Variants in ANKRD55 observed in about 807,000 individuals in gnomAD.
The protein encoded by ANKRD55 is ankyrin repeat domain 55.
In ANKRD55, 41 loss-of-function variants were observed where a neutral mutation model predicts 60.6. The observed-to-expected ratio is 0.68, with a 90% CI of 0.53 to 0.88. The LOEUF is 0.88. ANKRD55 is among the 40% of genes least tolerant of loss of function. The probability of loss-of-function intolerance (pLI) is 0.00; values close to 1 mark genes in which losing one functional copy is unlikely to be tolerated. For missense variants in ANKRD55, 732 were observed against 767.6 expected (o/e 0.95, Z 0.55); for synonymous variants, 264 against 290.3 (o/e 0.91, Z 0.92).
chr5:56,184,542 T>C (rs888084366), intron 2 of ANKRD55, among the ~76,000 whole-genome samples: 2 of 152,164 alleles, frequency 1.3e-5, no homozygotes, highest in African/African-American at 4.8e-5. Flanking sequence ...GCAACTCCTT[T>C]GAATTTGGTA....
chr5:56,127,569 T>G (rs1254114025), intron 7 of ANKRD55: 2 of 984,918 alleles, frequency 2.0e-6, no homozygotes, highest in African/African-American at 3.5e-5. Context: ...GGCGCAGTGA[T>G]GCACTTAAAA....
At chr5:56,228,817 G>A (rs191388014) in intron 2 of ANKRD55, among the ~76,000 whole-genome samples, 2 of 152,266 alleles carry the variant, frequency 1.3e-5, no homozygotes, top group Admixed American at 6.5e-5. Flanking sequence ...GTGATAATTG[G>A]TTACAGCAGC....
chr5:56,153,306 G>A (rs1313118839), intron 6 of ANKRD55, among the ~76,000 whole-genome samples: 1 of 152,028 alleles, frequency 6.6e-6, no homozygotes, highest in African/African-American at 2.4e-5. Flanking sequence ...CAGCTATTTT[G>A]GGGGAATAAT....
At chr5:56,219,218 A>G (rs989634142) in intron 2 of ANKRD55, among the ~76,000 whole-genome samples, 1 of 148,370 alleles carries the variant, frequency 6.7e-6, no homozygotes, top group Non-Finnish European at 1.5e-5. Context: ...GGTTGCAGTG[A>G]GCAGAGATCG....
At chr5:56,158,176 GTC>G (rs774721078) in intron 6 of ANKRD55, among the ~76,000 whole-genome samples, 1 of 146,214 alleles carries the variant, frequency 6.8e-6, no homozygotes. Context: ...GTAAGAATCT[GTC>G]TATTTAAAAA....
intron 10 of ANKRD55, among the ~76,000 whole-genome samples, chr5:56,110,105 T>C (rs1384353625): frequency 7.9e-5 from 12 of 151,002 alleles, no homozygotes; most frequent in Admixed American, 4.6e-4. Context: ...TCTGTCTATA[T>C]AAATTCTTAG....
At chr5:56,120,941 A>G (rs546628936) in intron 8 of ANKRD55, among the ~76,000 whole-genome samples, 1 of 151,798 alleles carries the variant, frequency 6.6e-6, no homozygotes, top group Non-Finnish European at 1.5e-5. Flanking sequence ...AAGAGCATAA[A>G]GGACCACTGG....
intron 8 of ANKRD55, among the ~76,000 whole-genome samples, chr5:56,120,135 C>T (rs1756996165): frequency 6.6e-6 from 1 of 151,598 alleles, no homozygotes; most frequent in Admixed American, 6.6e-5. Flanking sequence ...CTCCCTGGTT[C>T]AAGCTATTCT....
At chr5:56,138,371 C>T (rs1213445263) in intron 7 of ANKRD55, among the ~76,000 whole-genome samples, 8 of 152,090 alleles carry the variant, frequency 5.3e-5, no homozygotes, top group African/African-American at 1.9e-4. Flanking sequence ...CATGATCCGC[C>T]CGCCTTGGCC....
At chr5:56,207,098 C>A (rs554780396) in intron 2 of ANKRD55, among the ~76,000 whole-genome samples, 1 of 152,304 alleles carries the variant, frequency 6.6e-6, no homozygotes, top group Admixed American at 6.5e-5. Flanking sequence ...CCCTTCTATC[C>A]TCTCCTCCCC....
chr5:56,196,463 A>T (rs1157807386), intron 2 of ANKRD55, among the ~76,000 whole-genome samples: 6 of 152,182 alleles, frequency 3.9e-5, no homozygotes, highest in African/African-American at 1.2e-4. Flanking sequence ...TCTGTGTATA[A>T]TAGTGTTAAT....
intron 2 of ANKRD55, among the ~76,000 whole-genome samples, chr5:56,227,287 T>G (rs1760140570): frequency 7.2e-6 from 1 of 139,494 alleles, no homozygotes. Context: ...GAACTGAACA[T>G]TGAGAACACT....
intron 6 of ANKRD55, among the ~76,000 whole-genome samples, chr5:56,154,057 A>C (rs946210960): frequency 6.6e-5 from 10 of 150,464 alleles, no homozygotes; most frequent in African/African-American, 2.0e-4. Flanking sequence ...TAAAAATACA[A>C]AAAAAATTAG....
At chr5:56,219,280 A>G (rs1234029088) in intron 2 of ANKRD55, among the ~76,000 whole-genome samples, 1 of 151,322 alleles carries the variant, frequency 6.6e-6, no homozygotes, top group Non-Finnish European at 1.5e-5. Context: ...CTCCAAAAAA[A>G]AAAAAAAAAA....
intron 2 of ANKRD55, among the ~76,000 whole-genome samples, chr5:56,199,015 G>A (rs1368568617): frequency 6.6e-6 from 1 of 152,098 alleles, no homozygotes; most frequent in Non-Finnish European, 1.5e-5. Flanking sequence ...GGGTGGCAGA[G>A]CTTGCAGTGA....
rs1561277698 is a variant in ANKRD55, at chr5:56,166,115, T to TTTCTTTC, written c.422+4572_422+4578dup. On this transcript the variant is annotated intron_variant, in intron 5 of 11. Transcript: ENST00000341048. ...CTTTCTTTCTTTCTTTCTTTCTTTCTTTCTTTCTTTCTTTCTTTCTTTCTT... is the reference window on the plus strand; with the variant it reads ...CTTTCTTTCTTTCTTTCTTTCTTTCTTTCTTTCTTCTTTCTTTCTTTCTTTCTTTCTT... 2.2e-4 allele frequency among the ~76,000 whole-genome samples: 13 copies of TTTCTTTC among 57,924 alleles called. 1 individual carries two copies. The highest frequency in any genetic ancestry group is 2.0e-4 in the Admixed American group (1 of 5,092). 38.0% of individuals were successfully genotyped at this position (57,924 alleles called of 152,430 possible). A position where few individuals can be genotyped will look rare whatever the true frequency, so the allele number is the denominator to read the frequency against.
At chr5:56,139,158 T>C (rs905580897) in intron 7 of ANKRD55, among the ~76,000 whole-genome samples, 1 of 152,196 alleles carries the variant, frequency 6.6e-6, no homozygotes, top group Admixed American at 6.5e-5. Flanking sequence ...TACTTAAAAC[T>C]GCTCTAGAAA....
chr5:56,162,746 T>C (rs1439550332), intron 5 of ANKRD55, among the ~76,000 whole-genome samples: 1 of 151,626 alleles, frequency 6.6e-6, no homozygotes, highest in Non-Finnish European at 1.5e-5. Context: ...CACAGTTCAC[T>C]GCAACCTGGA....
chr5:56,129,616 T>A (rs937371803), intron 7 of ANKRD55, among the ~76,000 whole-genome samples: 3 of 152,134 alleles, frequency 2.0e-5, no homozygotes, highest in Non-Finnish European at 4.4e-5. Flanking sequence ...AACAATAAGA[T>A]CTCAATATCC....
Sources: allele counts gnomAD v4.1 joint callset (sites outside exome capture counted in the v4.1 genomes callset), GRCh38; gene constraint gnomAD v4.1.1; transcripts MANE v1.5; gene names NCBI Gene and HGNC (gene_info 2026-07-23, HGNC 2026-07-21).